Variants in ERCC6L2 observed in about 807,000 individuals in gnomAD.
ERCC6L2 encodes the protein DNA excision repair protein ERCC-6-like 2.
In ERCC6L2, 77 loss-of-function variants were observed where a neutral mutation model predicts 132.0. The observed-to-expected ratio is 0.58, with a 90% CI of 0.49 to 0.71. The LOEUF (loss-of-function observed/expected upper bound fraction) is 0.71, where lower values mean the gene tolerates loss of function less well. ERCC6L2 is among the 30% of genes least tolerant of loss of function. The probability of loss-of-function intolerance (pLI) is 0.00; values close to 1 mark genes in which losing one functional copy is unlikely to be tolerated. For synonymous variants in ERCC6L2, 583 were observed against 632.4 expected, an observed-to-expected ratio of 0.92 and a Z score of 1.17; for missense variants, 1,542 against 1,837.6, an observed-to-expected ratio of 0.84 and a Z score of 2.94.
chr9:95,948,365 T>C (rs1445939357), intron 12 of ERCC6L2, among the ~76,000 whole-genome samples: 1 of 152,216 alleles, frequency 6.6e-6, no homozygotes, highest in Non-Finnish European at 1.5e-5. Flanking sequence ...GATAAAACTT[T>C]AATGAGGTCA....
chr9:95,990,461 G>A (rs900365470), intron 17 of ERCC6L2, among the ~76,000 whole-genome samples: 4 of 152,150 alleles, frequency 2.6e-5, no homozygotes, highest in African/African-American at 4.8e-5. Flanking sequence ...TGACATTTAC[G>A]ATTCAAAAGC....
At chr9:95,906,959 G>T in intron 3 of ERCC6L2, 119 bp from the exon 4 acceptor site, 3 of 679,040 alleles carry the variant, frequency 4.4e-6, no homozygotes, top group Non-Finnish European at 7.6e-6. Flanking sequence ...TGTATTTATT[G>T]TTACTAACTA....
chr9:95,976,712 A>G (rs538564482), intron 16 of ERCC6L2, among the ~76,000 whole-genome samples: 11 of 152,174 alleles, frequency 7.2e-5, no homozygotes, highest in African/African-American at 2.6e-4. Context: ...GCTTTTGTGT[A>G]CAGATTCAGA....
At chr9:95,965,351 G>T (rs778180398) in intron 13 of ERCC6L2, among the ~76,000 whole-genome samples, 5 of 152,032 alleles carry the variant, frequency 3.3e-5, no homozygotes, top group Non-Finnish European at 7.4e-5. Flanking sequence ...AAATTGAGAT[G>T]ATATAAGGTT....
At chr9:95,916,086 G>A (rs921898954) in intron 5 of ERCC6L2, 141 bp from the exon 6 acceptor site, 19 of 856,282 alleles carry the variant, frequency 2.2e-5, no homozygotes, top group Admixed American at 1.1e-4. Context: ...TGAAACTGTC[G>A]TAAAGAAAGA....
At chr9:95,887,919 G>C (rs1330953396) in intron 2 of ERCC6L2, among the ~76,000 whole-genome samples, 1 of 152,096 alleles carries the variant, frequency 6.6e-6, no homozygotes, top group African/African-American at 2.4e-5. Context: ...TTAGCCCCCA[G>C]ATCCCTGAGC....
chr9:95,946,171 T>C (rs529216589), intron 12 of ERCC6L2, among the ~76,000 whole-genome samples: 1 of 152,226 alleles, frequency 6.6e-6, no homozygotes, highest in Admixed American at 6.5e-5. Flanking sequence ...CCAAAACTCT[T>C]ATATATGATG....
At chr9:96,039,407 C>T (rs905121654) in intron 20 of ERCC6L2, among the ~76,000 whole-genome samples, 42 of 151,826 alleles carry the variant, frequency 2.8e-4, no homozygotes, top group East Asian at 1.4e-3. Context: ...AGGGCTGAGG[C>T]GTAGAGAAGA....
At chr9:96,012,081 G>A (rs186042172) in intron 18 of ERCC6L2, 144 bp from the exon 19 acceptor site, 128 of 410,510 alleles carry the variant, frequency 3.1e-4, no homozygotes, top group Admixed American at 1.4e-3. Context: ...GATAAAATGC[G>A]TTTTCATTGT....
At chr9:95,992,292 C>A (rs1286179164) in intron 17 of ERCC6L2, among the ~76,000 whole-genome samples, 2 of 152,012 alleles carry the variant, frequency 1.3e-5, no homozygotes, top group Non-Finnish European at 2.9e-5. Flanking sequence ...GTAGATATAA[C>A]CCACACAAAC....
At chr9:95,946,123 G>A (rs1205762374) in intron 12 of ERCC6L2, among the ~76,000 whole-genome samples, 1 of 152,136 alleles carries the variant, frequency 6.6e-6, no homozygotes. Context: ...GAGGGCCACA[G>A]TCCACTAGGA....
rs182640517 is a variant in ERCC6L2 at position 95,987,189 on chromosome 9, C to T, written c.3492+8974C>T. Among the ~76,000 whole-genome samples, 832 of 152,226 alleles carry T rather than the reference C, an allele frequency of 5.5e-3. 23 individuals are homozygous for T. Among genetic ancestry groups the T allele is most frequent in the Admixed American group, 0.049 (754 of 15,280 alleles). On this transcript the variant is annotated intron_variant, in intron 17 of 18. Coordinates refer to ENST00000653738, the MANE Select transcript of ERCC6L2 (RefSeq NM_020207.7). ...ACAGAGCCAAACCATATCATTCTGC[C>T]CCTGGCCCCTCCCAAATCTCATGTC...
chr9:95,979,442 AT>A (rs1275945876), intron 17 of ERCC6L2, among the ~76,000 whole-genome samples: 1 of 152,212 alleles, frequency 6.6e-6, no homozygotes, highest in African/African-American at 2.4e-5. Context: ...AAAGAAAAAA[AT>A]AACACTGGTT....
In ERCC6L2 at chr9:95,880,852, T is replaced by C. The variant is rs1279048671; in HGVS notation, c.47-17T>C. On this transcript the variant is annotated splice_polypyrimidine_tract_variant and intron_variant, in intron 1 of 18. Coordinates refer to ENST00000653738, the MANE Select transcript of ERCC6L2 (RefSeq NM_020207.7). ...TATAAGCTAGCTTTGGAAACTTTAT[T>C]TTCTTTATTCTTGCAGACATATGGC... 1 of 1,571,738 alleles carries C rather than the reference T, an allele frequency of 6.4e-7. No homozygotes were observed. The highest frequency in any genetic ancestry group is 8.6e-7 in the Non-Finnish European group (1 of 1,163,022).
intron 18 of ERCC6L2, 59 bp downstream of exon 18, chr9:96,004,760 A>T (rs1208740082): frequency 1.9e-6 from 2 of 1,070,622 alleles, no homozygotes; most frequent in Non-Finnish European, 2.5e-6. Flanking sequence ...AATGTAGCTC[A>T]TTAGTAAAAT....
At chr9:95,985,971 A>G (rs985522615) in intron 17 of ERCC6L2, among the ~76,000 whole-genome samples, 1 of 152,192 alleles carries the variant, frequency 6.6e-6, no homozygotes, top group African/African-American at 2.4e-5. Flanking sequence ...TTCTCCAAAC[A>G]TGCTTAGGCC....
intron 2 of ERCC6L2, among the ~76,000 whole-genome samples, chr9:95,889,199 T>C (rs1486325854): frequency 6.6e-6 from 1 of 152,158 alleles, no homozygotes; most frequent in African/African-American, 2.4e-5. Flanking sequence ...CACATATCTT[T>C]GTTTTAGAGA....
intron 12 of ERCC6L2, among the ~76,000 whole-genome samples, chr9:95,951,898 G>A (rs538627146): frequency 2.0e-5 from 3 of 151,612 alleles, no homozygotes; most frequent in Non-Finnish European, 4.4e-5. Context: ...AGCCAGGCAC[G>A]GTGGCTCACA....
chr9:96,008,076 C>T (rs754967633), intron 18 of ERCC6L2, among the ~76,000 whole-genome samples: 6 of 152,118 alleles, frequency 3.9e-5, no homozygotes, highest in African/African-American at 7.2e-5. Context: ...CAGAACAGAT[C>T]GGCAACAAGG....
Sources: gnomAD v4.1 joint callset for allele counts (sites outside exome capture counted in the v4.1 genomes callset) on GRCh38, gnomAD v4.1.1 for gene constraint, MANE v1.5 for transcripts, NCBI Gene and HGNC (gene_info 2026-07-23, HGNC 2026-07-21) for gene names.